The following ACACB variants were observed in gnomAD, a reference collection of about 807,000 sequenced individuals.
ACACB encodes acetyl-CoA carboxylase beta.
In ACACB, 209 loss-of-function variants were observed where a neutral mutation model predicts 278.8. That is an observed-to-expected ratio of 0.75 (90% CI 0.67 to 0.84). The LOEUF (loss-of-function observed/expected upper bound fraction) is 0.84, where lower values mean the gene tolerates loss of function less well. Ranked by LOEUF, ACACB falls within the 40% of genes least tolerant of loss-of-function variation. ACACB has a pLI of 0.00. For synonymous variants in ACACB, 1,174 were observed against 1,285.6 expected, an observed-to-expected ratio of 0.91 and a Z score of 1.86; for missense variants, 2,850 against 3,269.0, an observed-to-expected ratio of 0.87 and a Z score of 3.13.
Position 109,235,479 on chromosome 12 carries a change from GAGA to G in ACACB, c.4404+113_4404+115del, listed in dbSNP as rs901016551. 45 of 1,422,976 alleles carry G rather than the reference GAGA, an allele frequency of 3.2e-5. No homozygotes were observed. The African/African-American group carries it at 6.1e-4, about 19-fold the overall frequency. The allele number at this position is 1,422,976 out of a possible 1,614,324, so 88.1% of individuals were successfully genotyped here. A position where few individuals can be genotyped will look rare whatever the true frequency, so the allele number is the denominator to read the frequency against. On this transcript the variant is annotated intron_variant, in intron 32 of 52. Transcript: ENST00000338432. ...TTGGGTGAAAGAGATCATTAGAAAGGAGAAGGATTTCCAAATGATTCATTCTAG... is the reference window on the plus strand; with the variant it reads ...TTGGGTGAAAGAGATCATTAGAAAGGAGGATTTCCAAATGATTCATTCTAG...
intron 28 of ACACB, among the ~76,000 whole-genome samples, chr12:109,231,410 G>T (rs940193528): frequency 6.6e-6 from 1 of 152,124 alleles, no homozygotes; most frequent in Non-Finnish European, 1.5e-5. Context: ...GTTAATTCAT[G>T]TATGTTATTA....
At chr12:109,137,659 C>CAA (rs765734649) in intron 1 of ACACB, among the ~76,000 whole-genome samples, 1 of 117,648 alleles carries the variant, frequency 8.5e-6, no homozygotes. Flanking sequence ...GATTCTGACT[C>CAA]AAAAAAAAAA....
intron 4 of ACACB, among the ~76,000 whole-genome samples, chr12:109,171,230 C>T (rs979982527): frequency 6.6e-6 from 1 of 152,118 alleles, no homozygotes; most frequent in Non-Finnish European, 1.5e-5. Flanking sequence ...CACCTCTAAT[C>T]CCAGTCTGTT....
intron 13 of ACACB, among the ~76,000 whole-genome samples, chr12:109,189,679 A>G (rs747170823): frequency 2.0e-5 from 3 of 152,230 alleles, no homozygotes; most frequent in Non-Finnish European, 4.4e-5. Context: ...CCCAGCTTCC[A>G]GACCCACAGC....
chr12:109,256,425 T>A (rs10849967), intron 45 of ACACB, among the ~76,000 whole-genome samples, 189 bp downstream of exon 45: 4 of 152,044 alleles, frequency 2.6e-5, no homozygotes, highest in Admixed American at 2.0e-4. Context: ...TCAGCCAGCC[T>A]CCTCCTGAGG....
At chr12:109,162,458 C>T (rs1490397198) in intron 2 of ACACB, among the ~76,000 whole-genome samples, 1 of 151,946 alleles carries the variant, frequency 6.6e-6, no homozygotes, top group African/African-American at 2.4e-5. Flanking sequence ...AAGGAGGGTA[C>T]CAAAATGAGA....
In ACACB at chr12:109,184,320, TG is replaced by T. The variant is rs549902440; in HGVS notation, c.1819-1256del. On this transcript the variant is annotated intron_variant, in intron 11 of 52. Transcript: ENST00000338432. Reference sequence around the variant, plus strand: ...AGCCCACCTCGGCCTCCCAAAATGCTGGGATTACAGGTATGCACCACTGTGC... The same window carrying T: ...AGCCCACCTCGGCCTCCCAAAATGCTGGATTACAGGTATGCACCACTGTGC... Among the ~76,000 whole-genome samples, 14 of 152,296 alleles carry T rather than the reference TG, an allele frequency of 9.2e-5. No homozygotes were observed. In the East Asian group the frequency reaches 2.7e-3, roughly 29 times the overall value.
In ACACB at chr12:109,256,657, T is replaced by C. The variant is rs555659195; in HGVS notation, c.6263+421T>C. On this transcript the variant is annotated intron_variant, in intron 45 of 52. Coordinates refer to ENST00000338432, the MANE Select transcript of ACACB (RefSeq NM_001093.4). Reference sequence around the variant, plus strand: ...CTGGGCAGCTCACCCTTCAGCCTTGTAGCTTTCATCTCTTTGGACAGCTCC... The same window carrying C: ...CTGGGCAGCTCACCCTTCAGCCTTGCAGCTTTCATCTCTTTGGACAGCTCC... Among the ~76,000 whole-genome samples the C allele has an allele frequency of 2.4e-4, 36 of 152,296 alleles. No homozygotes were observed. The South Asian group carries it at 6.4e-3, about 27-fold the overall frequency.
chr12:109,202,820 T>C (rs972315431), intron 19 of ACACB, among the ~76,000 whole-genome samples: 1 of 152,232 alleles, frequency 6.6e-6, no homozygotes, highest in African/African-American at 2.4e-5. Flanking sequence ...TACATTATTG[T>C]TCACTCAGAT....
Position 109,241,270 on chromosome 12 carries a change from A to G in ACACB, c.5011A>G (p.Arg1671Gly). 1.9e-6 allele frequency: 3 copies of G among 1,614,182 alleles called. No homozygotes were observed. Among genetic ancestry groups the G allele is most frequent in the Middle Eastern group, 1.6e-4 (1 of 6,062 alleles). ...CCTCTACAAAGAAGTGACTGACTCC[A>G]GATCTGGAAATGTAAGGCTGGCCCG... ...ISLYKEVTDS[R>G]SGNIMFHSFG... The change falls in exon 36 of 53, where the codon AGA becomes GGA. Residue 1671 changes from arginine to glycine, a missense_variant. Arg to Gly is a moderately radical substitution (Grantham distance 125, BLOSUM62 -2). Coordinates refer to ENST00000338432, the MANE Select transcript of ACACB (RefSeq NM_001093.4).
intron 43 of ACACB, 21 bp downstream of exon 43, chr12:109,253,179 C>A: frequency 6.6e-7 from 1 of 1,523,432 alleles, no homozygotes; most frequent in South Asian, 1.3e-5. Context: ...CCCCCTGCAG[C>A]TTAGAACCTG....
chr12:109,122,086 A>C (rs1226447752), intron 1 of ACACB, among the ~76,000 whole-genome samples: 1 of 152,240 alleles, frequency 6.6e-6, no homozygotes, highest in East Asian at 1.9e-4. Context: ...GCATGTGCAG[A>C]GGAACGTAGA....
At chr12:109,172,783 A>C (rs960178456) in intron 6 of ACACB, among the ~76,000 whole-genome samples, 32 of 152,192 alleles carry the variant, frequency 2.1e-4, no homozygotes, top group Non-Finnish European at 4.4e-5. Flanking sequence ...CCAAAAATAG[A>C]ACTACCGTTT....
chr12:109,218,355 C>T (rs891436579), intron 24 of ACACB, among the ~76,000 whole-genome samples: 3 of 149,962 alleles, frequency 2.0e-5, no homozygotes, highest in Admixed American at 1.3e-4. Flanking sequence ...ACTCACACCA[C>T]CACGCCCAGC....
At chr12:109,216,744 G>A in intron 23 of ACACB, 38 bp downstream of exon 23, 10 of 1,614,098 alleles carry the variant, frequency 6.2e-6, no homozygotes, top group East Asian at 2.2e-5. Context: ...GGGATGGTGG[G>A]GGGCGTGAGG....
chr12:109,118,468 C>T (rs111583053), intron 1 of ACACB, among the ~76,000 whole-genome samples: 17 of 146,584 alleles, frequency 1.2e-4, no homozygotes, highest in African/African-American at 3.1e-4. Flanking sequence ...GGCTGGAGTG[C>T]GATGGCACAA....
At chr12:109,167,792 G>A in intron 3 of ACACB, 104 bp from the exon 4 acceptor site, 1 of 1,517,188 alleles carries the variant, frequency 6.6e-7, no homozygotes, top group East Asian at 2.3e-5. Context: ...TGTGCTGCGG[G>A]GGCTGCAGGA....
chr12:109,167,772 A>G, intron 3 of ACACB, 124 bp from the exon 4 acceptor site: 2 of 1,428,036 alleles, frequency 1.4e-6, no homozygotes, highest in Non-Finnish European at 1.9e-6. Context: ...AGAAATACCA[A>G]GAGGAATGAT....
intron 6 of ACACB, 122 bp from the exon 7 acceptor site, chr12:109,174,010 G>C (rs2044200591): frequency 1.4e-6 from 1 of 724,240 alleles, no homozygotes. Context: ...GCTGGGACCA[G>C]AGAATTTTCT....
Sources: allele counts gnomAD v4.1 joint callset (sites outside exome capture counted in the v4.1 genomes callset), GRCh38; gene constraint gnomAD v4.1.1; transcripts MANE v1.5; gene names NCBI Gene and HGNC (gene_info 2026-07-23, HGNC 2026-07-21).